The following ALDH1A2 variants were observed in gnomAD, a reference collection of about 807,000 sequenced individuals.
ALDH1A2 encodes the protein retinal dehydrogenase 2.
ALDH1A2 carries 27 observed loss-of-function variants against 60.3 expected under a neutral mutation model. The ratio of observed to expected loss-of-function variants is 0.45; its 90% CI spans 0.33 to 0.62. The LOEUF is 0.62. Ranked by LOEUF, ALDH1A2 falls within the 20% of genes least tolerant of loss-of-function variation. The pLI, the probability that ALDH1A2 is intolerant of heterozygous loss-of-function variation, is 0.02. For missense variants in ALDH1A2, 581 were observed against 643.8 expected (o/e 0.90, Z 1.06); for synonymous variants, 289 against 232.4 (o/e 1.24, Z -2.21).
At chr15:57,955,947 C>G (rs1048737815) in intron 12 of ALDH1A2, among the ~76,000 whole-genome samples, 1 of 152,098 alleles carries the variant, frequency 6.6e-6, no homozygotes, top group South Asian at 2.1e-4. Context: ...TTCTTCTCTT[C>G]TTCTGAAAGT....
At chr15:58,058,080 G>T (rs1001750537) in intron 1 of ALDH1A2, 3 of 1,533,886 alleles carry the variant, frequency 2.0e-6, no homozygotes, top group Non-Finnish European at 2.6e-6. Flanking sequence ...TCCCAAAAAG[G>T]ATTCTGCCAG....
chr15:58,004,724 T>TATAC (rs1232441008), intron 4 of ALDH1A2, among the ~76,000 whole-genome samples: 72 of 112,610 alleles, frequency 6.4e-4, no homozygotes, highest in African/African-American at 1.7e-3. Flanking sequence ...TGTGTGTATA[T>TATAC]ATATACATAT....
chr15:57,966,900 C>A (rs747038937), intron 7 of ALDH1A2, among the ~76,000 whole-genome samples: 4 of 152,200 alleles, frequency 2.6e-5, no homozygotes, highest in Non-Finnish European at 4.4e-5. Flanking sequence ...GATGCGACTC[C>A]ACTGGAGAGC....
At chr15:57,964,310 G>C in intron 8 of ALDH1A2, 1 of 518,404 alleles carries the variant, frequency 1.9e-6, no homozygotes, top group Non-Finnish European at 3.5e-6. Flanking sequence ...ACTGAACCTC[G>C]TGTATAACAG....
intron 1 of ALDH1A2, among the ~76,000 whole-genome samples, chr15:58,061,605 A>C (rs1421434361): frequency 1.4e-4 from 21 of 145,932 alleles, no homozygotes; most frequent in African/African-American, 4.5e-4. Flanking sequence ...CAAAAAAAAA[A>C]AAAACAAAAA....
At chr15:58,052,786 A>T (rs1269483832) in intron 1 of ALDH1A2, among the ~76,000 whole-genome samples, 1 of 152,152 alleles carries the variant, frequency 6.6e-6, no homozygotes, top group Non-Finnish European at 1.5e-5. Flanking sequence ...TGCCTTGTTC[A>T]CTGCTCTGCA....
intron 1 of ALDH1A2, among the ~76,000 whole-genome samples, chr15:58,026,288 A>G (rs1051929236): frequency 1.1e-4 from 16 of 152,216 alleles, no homozygotes; most frequent in African/African-American, 3.9e-4. Context: ...ACAAATCAGC[A>G]AACATGATAC....
At chr15:58,038,674 A>G (rs1391971600) in intron 1 of ALDH1A2, 2 of 151,738 alleles carry the variant, frequency 1.3e-5, no homozygotes, top group East Asian at 3.9e-4. Context: ...AATACACACC[A>G]ATGTCAGTTG....
At chr15:58,058,403 A>G (rs1479929384) in intron 1 of ALDH1A2, among the ~76,000 whole-genome samples, 2 of 151,566 alleles carry the variant, frequency 1.3e-5, no homozygotes, top group African/African-American at 4.9e-5. Context: ...CTTGTGGGAA[A>G]GAGTCACACA....
rs148626448 is a variant in ALDH1A2, at chr15:58,006,194, G to T, written c.493+4455C>A. Among the ~76,000 whole-genome samples, 134 of 151,912 alleles carry T rather than the reference G, an allele frequency of 8.8e-4. 1 individual carries two copies. The highest frequency in any genetic ancestry group is 2.9e-3 in the African/African-American group (122 of 41,494). ...CACCCCACTCCCATCCTTCCCCAAA[G>T]TCCATTATAACAGTCTTACGCCTTT... On this transcript the variant is annotated intron_variant, in intron 4 of 12. Transcript: ENST00000249750.
At chr15:58,054,964 G>A (rs1240686075) in intron 1 of ALDH1A2, among the ~76,000 whole-genome samples, 1 of 152,030 alleles carries the variant, frequency 6.6e-6, no homozygotes, top group Non-Finnish European at 1.5e-5. Flanking sequence ...TGTTGCTTAT[G>A]ATAGCTGCGG....
At chr15:58,017,286 G>C (rs1480424646) in intron 1 of ALDH1A2, among the ~76,000 whole-genome samples, 3 of 152,098 alleles carry the variant, frequency 2.0e-5, no homozygotes, top group South Asian at 2.1e-4. Flanking sequence ...TATAGTATTT[G>C]TTGATAAAAT....
intron 1 of ALDH1A2, among the ~76,000 whole-genome samples, chr15:58,062,160 G>A (rs1595700140): frequency 6.6e-6 from 1 of 152,026 alleles, no homozygotes; most frequent in South Asian, 2.1e-4. Flanking sequence ...AGGTCATTAT[G>A]TTATAAATAC....
chr15:57,977,420 T>C (rs1894301522), intron 7 of ALDH1A2, among the ~76,000 whole-genome samples: 1 of 152,250 alleles, frequency 6.6e-6, no homozygotes, highest in Non-Finnish European at 1.5e-5. Context: ...AATTTTTGTA[T>C]AAGGTGTAAG....
At chr15:58,043,756 G>A (rs1896574503) in intron 1 of ALDH1A2, among the ~76,000 whole-genome samples, 2 of 151,830 alleles carry the variant, frequency 1.3e-5, no homozygotes, top group South Asian at 4.2e-4. Context: ...TTCCTGTTGT[G>A]AAATTATTCA....
At chr15:57,958,155 T>G (rs1006696439) in intron 12 of ALDH1A2, among the ~76,000 whole-genome samples, 3 of 152,078 alleles carry the variant, frequency 2.0e-5, no homozygotes, top group Non-Finnish European at 2.9e-5. Context: ...TACGCATGCT[T>G]AACAAAACCA....
chr15:58,030,772 C>G (rs1042206970), intron 1 of ALDH1A2, among the ~76,000 whole-genome samples: 1 of 151,968 alleles, frequency 6.6e-6, no homozygotes, highest in South Asian at 2.1e-4. Context: ...TAGTGAACTT[C>G]CATTCATAAT....
intron 1 of ALDH1A2, among the ~76,000 whole-genome samples, chr15:58,019,213 T>A (rs1333632755): frequency 1.3e-5 from 2 of 151,712 alleles, no homozygotes; most frequent in Non-Finnish European, 2.9e-5. Flanking sequence ...ATATTTTAAA[T>A]GCCCCAAACA....
intron 7 of ALDH1A2, among the ~76,000 whole-genome samples, chr15:57,969,687 G>A (rs1000926481): frequency 2.0e-5 from 3 of 152,188 alleles, no homozygotes; most frequent in South Asian, 2.1e-4. Context: ...AGATAAAACA[G>A]GTAAACATAC....
Sources: gnomAD v4.1 joint callset for allele counts (sites outside exome capture counted in the v4.1 genomes callset) on GRCh38, gnomAD v4.1.1 for gene constraint, MANE v1.5 for transcripts, NCBI Gene and HGNC (gene_info 2026-07-23, HGNC 2026-07-21) for gene names.